Variants in LRFN2 observed in about 807,000 individuals in gnomAD.
LRFN2 encodes leucine-rich repeat and fibronectin type-III domain-containing protein 2.
In LRFN2, 18 loss-of-function variants were observed where a neutral mutation model predicts 37.3. That is an observed-to-expected ratio of 0.48 (90% CI 0.33 to 0.72). The LOEUF is 0.72. Among genes scored for constraint, LRFN2 ranks in the 30% least tolerant of loss-of-function variants. The pLI is 0.02. For missense variants in LRFN2, 1,006 were observed against 1,060.7 expected (o/e 0.95, Z 0.72); for synonymous variants, 556 against 466.6 (o/e 1.19, Z -2.47).
At chr6:40,471,708 C>T (rs1036191713) in intron 1 of LRFN2, among the ~76,000 whole-genome samples, 1 of 152,166 alleles carries the variant, frequency 6.6e-6, no homozygotes. Context: ...GATTGCACAA[C>T]CAGAAAGGCC....
At chr6:40,450,909 T>C (rs910962387) in intron 1 of LRFN2, among the ~76,000 whole-genome samples, 1 of 152,340 alleles carries the variant, frequency 6.6e-6, no homozygotes, top group African/African-American at 2.4e-5. Context: ...CAGGGAAGAA[T>C]TTCAGAAGCT....
intron 1 of LRFN2, among the ~76,000 whole-genome samples, chr6:40,474,658 T>A (rs1420303111): frequency 6.6e-6 from 1 of 151,976 alleles, no homozygotes; most frequent in Non-Finnish European, 1.5e-5. Context: ...CCTGGCTAAT[T>A]TTTGTATTTT....
At chr6:40,485,547 T>C (rs914630720) in intron 1 of LRFN2, among the ~76,000 whole-genome samples, 12 of 152,174 alleles carry the variant, frequency 7.9e-5, no homozygotes, top group African/African-American at 2.9e-4. Context: ...ACAATGCAGC[T>C]AGTGACAAGA....
chr6:40,408,614 T>C (rs1023615103), intron 2 of LRFN2, among the ~76,000 whole-genome samples: 1 of 152,204 alleles, frequency 6.6e-6, no homozygotes, highest in African/African-American at 2.4e-5. Context: ...AATCCTGCTC[T>C]AGCAATGACT....
chr6:40,556,714 T>C (rs55641697), intron 1 of LRFN2, among the ~76,000 whole-genome samples: 3,043 of 126,638 alleles, frequency 0.024, 125 homozygotes, highest in African/African-American at 0.091. Flanking sequence ...CTTACCTACA[T>C]AGACACACAC....
intron 2 of LRFN2, among the ~76,000 whole-genome samples, chr6:40,399,442 T>TC (rs2113795599): frequency 7.3e-6 from 1 of 137,240 alleles, no homozygotes; most frequent in South Asian, 2.2e-4. Context: ...TTTTTTCTTT[T>TC]TTTTTTTTTT....
intron 1 of LRFN2, among the ~76,000 whole-genome samples, chr6:40,453,024 G>C (rs768166946): frequency 6.6e-6 from 1 of 152,162 alleles, no homozygotes; most frequent in African/African-American, 2.4e-5. Flanking sequence ...GAGCCCCATG[G>C]CAAACTGCAT....
chr6:40,448,330 C>T (rs1363587225), intron 1 of LRFN2, among the ~76,000 whole-genome samples: 8 of 152,206 alleles, frequency 5.3e-5, no homozygotes, highest in Non-Finnish European at 7.4e-5. Flanking sequence ...CCCTCCAGAC[C>T]CCACCTCTGG....
chr6:40,431,674 C>G (rs758239989), intron 2 of LRFN2, 40 bp downstream of exon 2: 2 of 1,486,310 alleles, frequency 1.3e-6, no homozygotes, highest in Non-Finnish European at 1.8e-6. Flanking sequence ...CCTTCCCCAG[C>G]CAGACACCCT....
At position 40,467,207 on chromosome 6, in the gene LRFN2, A is replaced by G. The variant is rs1039375523; in HGVS notation, c.-18-34076T>C. Among the ~76,000 whole-genome samples the G allele has an allele frequency of 1.9e-3, 143 of 74,178 alleles. 2 individuals carry two copies. Among genetic ancestry groups the G allele is most frequent in the African/African-American group, 5.3e-3 (141 of 26,404 alleles). 48.7% of individuals were successfully genotyped at this position (74,178 alleles called of 152,430 possible). On this transcript the variant is annotated intron_variant, in intron 1 of 2. Transcript: ENST00000338305. ...GATGATGATGATGATGATGATGATG[A>G]TGTGTGTGTGTGTGTTTCAAAAATG...
intron 1 of LRFN2, among the ~76,000 whole-genome samples, chr6:40,560,857 T>C (rs908126709): frequency 1.3e-5 from 2 of 152,202 alleles, no homozygotes; most frequent in African/African-American, 4.8e-5. Flanking sequence ...TGTCTTACAG[T>C]GGGTTTAAGC....
chr6:40,442,777 C>G lies in LRFN2; in HGVS notation c.-18-9646G>C, dbSNP rs1304656441. ...TGTCCTCATGTTTCCTCACAGCCAC[C>G]TCTCCTCACTGCATGGGGCCCTGCT... is the stretch of plus-strand genomic sequence containing the variant. On this transcript the variant is annotated intron_variant, in intron 1 of 2. Transcript: ENST00000338305. Among the ~76,000 whole-genome samples the G allele has an allele frequency of 2.3e-5, 3 of 130,542 alleles. No individual in the cohort carries two copies. In the East Asian group the frequency reaches 5.9e-4, roughly 26 times the overall value. The allele number at this position is 130,542 out of a possible 152,430, so 85.6% of individuals were successfully genotyped here.
intron 1 of LRFN2, among the ~76,000 whole-genome samples, chr6:40,477,996 G>A (rs776904856): frequency 2.0e-4 from 30 of 152,156 alleles, no homozygotes; most frequent in Non-Finnish European, 2.9e-4. Context: ...CTTCTCCTCC[G>A]TGTCATAATT....
At chr6:40,533,489 T>C (rs937732111) in intron 1 of LRFN2, among the ~76,000 whole-genome samples, 1 of 151,656 alleles carries the variant, frequency 6.6e-6, no homozygotes, top group African/African-American at 2.4e-5. Flanking sequence ...CCTCAAGTAG[T>C]CTTTTCTGAC....
At chr6:40,550,526 G>A (rs189901772) in intron 1 of LRFN2, among the ~76,000 whole-genome samples, 27 of 152,276 alleles carry the variant, frequency 1.8e-4, no homozygotes, top group Admixed American at 1.6e-3. Flanking sequence ...GGAGTCCAGA[G>A]AAGACAATGG....
rs895542888 is a variant in LRFN2, at chr6:40,392,211, G to T, written c.2102C>A (p.Pro701His). Residue 701 changes from proline (P) to histidine (H), a missense_variant, in exon 3 of 3, where the codon CCC (proline) becomes CAC (histidine). Transcript: ENST00000338305. This position sits in a 1 kb window ranked among gnomAD's most constrained non-coding sequence, Gnocchi z 4.7. ...HHSDREPLLG[P>H]PAARARSLLP... ...CAGGCTCCTGGCCCGGGCCGCAGGG[G>T]GCCCCAGCAGTGGCTCTCGGTCCGA... is the stretch of plus-strand genomic sequence containing the variant. The T allele has an allele frequency of 3.2e-6, 5 of 1,568,938 alleles. No homozygotes were observed. In the African/African-American group the frequency reaches 4.1e-5, roughly 13 times the overall value.
At chr6:40,437,742 G>A (rs1581705427) in intron 1 of LRFN2, among the ~76,000 whole-genome samples, 1 of 152,172 alleles carries the variant, frequency 6.6e-6, no homozygotes, top group Non-Finnish European at 1.5e-5. Context: ...TGTAATTAGT[G>A]TATATCTAGG....
chr6:40,544,731 T>A (rs1336782136), intron 1 of LRFN2, among the ~76,000 whole-genome samples: 1 of 152,208 alleles, frequency 6.6e-6, no homozygotes, highest in Admixed American at 6.5e-5. Flanking sequence ...ATCTCCCGAA[T>A]TCCAGCAGCG....
At chr6:40,461,125 G>T (rs1413440622) in intron 1 of LRFN2, among the ~76,000 whole-genome samples, 2 of 152,138 alleles carry the variant, frequency 1.3e-5, no homozygotes, top group Non-Finnish European at 2.9e-5. Flanking sequence ...TTACACACTG[G>T]GCTGGGCGCA....
Sources: allele counts gnomAD v4.1 joint callset (sites outside exome capture counted in the v4.1 genomes callset), GRCh38; gene constraint gnomAD v4.1.1; non-coding constraint Gnocchi (gnomAD v3.1); transcripts MANE v1.5; gene names NCBI Gene and HGNC (gene_info 2026-07-23, HGNC 2026-07-21).